ADHFE1: variants seen among roughly 807,000 people sequenced by gnomAD.
The protein encoded by ADHFE1 is hydroxyacid-oxoacid transhydrogenase, mitochondrial.
A neutral mutation model predicts 54.8 loss-of-function variants in ADHFE1; 37 were observed. That is an observed-to-expected ratio of 0.68 (90% CI 0.52 to 0.89). The LOEUF (loss-of-function observed/expected upper bound fraction) is 0.89, where lower values mean the gene tolerates loss of function less well. Ranked by LOEUF, ADHFE1 falls within the 40% of genes least tolerant of loss-of-function variation. The pLI, the probability that ADHFE1 is intolerant of heterozygous loss-of-function variation, is 0.00. For missense variants in ADHFE1, 601 were observed against 591.2 expected, an observed-to-expected ratio of 1.02 and a Z score of -0.17; for synonymous variants, 203 against 229.3, an observed-to-expected ratio of 0.89 and a Z score of 1.04.
At chr8:66,457,807 G>A (rs1806672820) in intron 12 of ADHFE1, among the ~76,000 whole-genome samples, 1 of 151,944 alleles carries the variant, frequency 6.6e-6, no homozygotes, top group African/African-American at 2.4e-5. Context: ...TTTATCTCAA[G>A]GGAAAGTATA....
At chr8:66,442,967 A>G in intron 3 of ADHFE1, 123 bp downstream of exon 3, 1 of 862,222 alleles carries the variant, frequency 1.2e-6, no homozygotes, top group Non-Finnish European at 1.7e-6. Flanking sequence ...CATAATCTCT[A>G]TTTGATCAGA....
intron 1 of ADHFE1, among the ~76,000 whole-genome samples, chr8:66,437,524 G>A (rs373591448): frequency 3.3e-5 from 5 of 152,214 alleles, no homozygotes; most frequent in South Asian, 4.2e-4. Flanking sequence ...CTAAGAAGGC[G>A]GGAACCCACA....
chr8:66,442,260 A>G (rs1165886063), intron 2 of ADHFE1, among the ~76,000 whole-genome samples: 2 of 151,406 alleles, frequency 1.3e-5, no homozygotes, highest in Non-Finnish European at 2.9e-5. Context: ...AATGCAAGAA[A>G]TGTTTTATTA....
At chr8:66,453,202 C>T (rs1806393054) in intron 9 of ADHFE1, among the ~76,000 whole-genome samples, 1 of 152,190 alleles carries the variant, frequency 6.6e-6, no homozygotes, top group African/African-American at 2.4e-5. Flanking sequence ...AGGCTGAAAG[C>T]TCCATCACCT....
Position 66,457,152 on chromosome 8 carries a change from T to C in ADHFE1, c.1148T>C (p.Met383Thr), listed in dbSNP as rs1806628763. 6.2e-7 allele frequency: 1 copy of C among 1,613,336 alleles called. No individual in the cohort carries two copies. ...AQMFPERHLE[M>T]AEILGADTRT... ...ATGTTTCCAGAGCGACACCTGGAGA[T>C]GGCAGAAATACTGGGTATGAACCAT... The change falls in exon 12 of 14, where the codon ATG becomes ACG. Residue 383 changes from methionine to threonine, a missense_variant. By Grantham distance (81) the Met-to-Thr change is moderately conservative. Coordinates refer to ENST00000396623, the MANE Select transcript of ADHFE1 (RefSeq NM_144650.3).
chr8:66,463,271 A>G (rs945933856), intron 13 of ADHFE1, among the ~76,000 whole-genome samples: 1 of 152,230 alleles, frequency 6.6e-6, no homozygotes, highest in African/African-American at 2.4e-5. Flanking sequence ...CTGGGAAATC[A>G]CAGATAGCAA....
At position 66,443,913 on chromosome 8, in the gene ADHFE1, T is replaced by C. The variant is rs187111362; in HGVS notation, c.145-454T>C. Among the ~76,000 whole-genome samples, 545 of 152,328 alleles carry C rather than the reference T, an allele frequency of 3.6e-3. 3 individuals carry two copies. Among genetic ancestry groups the C allele is most frequent in the African/African-American group, 0.012 (507 of 41,564 alleles). ...CCCATCATCCATCAGTGTAAAAGCC[T>C]TTCTCTCACCCGTAAACTTTATGAG... On this transcript the variant is annotated intron_variant, in intron 3 of 13. Coordinates refer to ENST00000396623, the MANE Select transcript of ADHFE1 (RefSeq NM_144650.3).
intron 10 of ADHFE1, among the ~76,000 whole-genome samples, chr8:66,455,165 G>T (rs754857254): frequency 1.2e-4 from 18 of 152,330 alleles, no homozygotes. Context: ...GAATTGCTGG[G>T]TCATATGGTA....
intron 13 of ADHFE1, among the ~76,000 whole-genome samples, chr8:66,467,126 C>T (rs1051733740): frequency 6.6e-6 from 1 of 152,154 alleles, no homozygotes; most frequent in Non-Finnish European, 1.5e-5. Context: ...TCAAGCTGGA[C>T]AGGCGAGTGA....
At position 66,447,276 on chromosome 8, in the gene ADHFE1, C is replaced by T. The variant is rs1475256419; in HGVS notation, c.563C>T (p.Ser188Leu). 3 of 1,613,208 alleles carry T rather than the reference C, an allele frequency of 1.9e-6. No individual in the cohort carries two copies. The highest frequency in any genetic ancestry group is 2.5e-6 in the Non-Finnish European group (3 of 1,179,516). ...TATTTTGTTCAAGTGCCAACTACCT[C>T]AGGAACCGGGAGTGAAACTACTGGG... is the stretch of plus-strand genomic sequence containing the variant. ...LKPLIAVPTTSGTGSETTGVA... is the reference protein window; with the variant it reads ...LKPLIAVPTTLGTGSETTGVA... The change falls in exon 7 of 14, where the codon TCA becomes TTA. Residue 188 changes from serine (S) to leucine (L), a missense_variant. Physicochemically the swap from Ser to Leu is moderately radical, Grantham distance 145. Coordinates refer to ENST00000396623, the MANE Select transcript of ADHFE1 (RefSeq NM_144650.3).
chr8:66,439,747 G>A lies in ADHFE1; in HGVS notation c.60-415G>A. 3 of 1,009,854 alleles carry A rather than the reference G, an allele frequency of 3.0e-6. No individual in the cohort carries two copies. The highest frequency in any genetic ancestry group is 3.5e-6 in the Non-Finnish European group (3 of 845,854). The allele number at this position is 1,009,854 out of a possible 1,614,324, so 62.6% of individuals were successfully genotyped here. ...GGGAAATATATAAGGCAAGTTCCCAGCATAGGGTAGTAAGTAAGAAGAGGC... is the reference window on the plus strand; with the variant it reads ...GGGAAATATATAAGGCAAGTTCCCAACATAGGGTAGTAAGTAAGAAGAGGC... On this transcript the variant is annotated intron_variant, in intron 1 of 13. Coordinates refer to ENST00000396623, the MANE Select transcript of ADHFE1 (RefSeq NM_144650.3). This position sits in a 1 kb window ranked among gnomAD's most constrained non-coding sequence, Gnocchi z 4.4.
At chr8:66,441,023 T>C (rs753082) in intron 2 of ADHFE1, among the ~76,000 whole-genome samples, 96,681 of 152,150 alleles carry the variant, frequency 0.64, 32,215 homozygotes, top group African/African-American at 0.83. Context: ...TCATTAACTG[T>C]CATCTATGAG....
chr8:66,453,915 G>T (rs1362843204), intron 9 of ADHFE1, 144 bp from the exon 10 acceptor site: 1 of 1,518,584 alleles, frequency 6.6e-7, no homozygotes, highest in Non-Finnish European at 8.8e-7. Context: ...AAGACAAGGC[G>T]TCGTTTGAAT....
At chr8:66,467,322 A>G (rs914648574) in intron 13 of ADHFE1, among the ~76,000 whole-genome samples, 4 of 152,130 alleles carry the variant, frequency 2.6e-5, no homozygotes, top group African/African-American at 9.7e-5. Context: ...GAGATGAGAA[A>G]ATGGTAGGAG....
chr8:66,456,659 T>A (rs1170789180), intron 10 of ADHFE1, among the ~76,000 whole-genome samples, 158 bp from the exon 11 acceptor site: 1 of 152,260 alleles, frequency 6.6e-6, no homozygotes, highest in African/African-American at 2.4e-5. Flanking sequence ...CTAGACATCA[T>A]AATATATCCT....
chr8:66,451,032 G>T (rs1211588878), intron 8 of ADHFE1, among the ~76,000 whole-genome samples: 1 of 152,232 alleles, frequency 6.6e-6, no homozygotes, highest in African/African-American at 2.4e-5. Context: ...GAGTGTCCCA[G>T]AAACATTACA....
chr8:66,432,719 C>A, intron 1 of ADHFE1, 144 bp downstream of exon 1: 4 of 1,232,516 alleles, frequency 3.2e-6, no homozygotes, highest in Non-Finnish European at 4.0e-6. Context: ...GCTCCCACCG[C>A]GCGCCAGGCG....
chr8:66,450,891 T>C (rs1268004778), intron 8 of ADHFE1, among the ~76,000 whole-genome samples: 1 of 152,268 alleles, frequency 6.6e-6, no homozygotes, highest in East Asian at 1.9e-4. Context: ...AACAATTTTC[T>C]AATGATTGGT....
rs956054527 is a variant in ADHFE1, at chr8:66,432,577, T to C, written c.59+2T>C. On this transcript the variant is annotated splice_donor_variant, in intron 1 of 13. Transcript: ENST00000396623. LOFTEE classifies it high-confidence loss of function. ...GCTGAGGCAACTGCAACGCGCAGCG[T>C]GAGTGCGGGGCCGGCGGGCGGGCAG... The C allele has an allele frequency of 7.5e-6, 10 of 1,332,602 alleles. No homozygotes were observed. The Admixed American group carries it at 2.0e-4, about 27-fold the overall frequency. The allele number at this position is 1,332,602 out of a possible 1,614,324, so 82.5% of individuals were successfully genotyped here.
Sources: allele counts gnomAD v4.1 joint callset (sites outside exome capture counted in the v4.1 genomes callset), GRCh38; gene constraint gnomAD v4.1.1; non-coding constraint Gnocchi (gnomAD v3.1); transcripts MANE v1.5; gene names NCBI Gene and HGNC (gene_info 2026-07-23, HGNC 2026-07-21).